QKI: variants seen among roughly 807,000 people sequenced by gnomAD.
QKI encodes the protein KH domain-containing RNA-binding protein QKI.
QKI carries 10 observed loss-of-function variants against 39.0 expected under a neutral mutation model. The observed-to-expected ratio is 0.26, with a 90% confidence interval of 0.16 to 0.43. The LOEUF is 0.43. Among genes scored for constraint, QKI ranks in the 20% least tolerant of loss-of-function variants. QKI has a pLI of 1.00. For synonymous variants in QKI, 204 were observed against 155.4 expected (o/e 1.31, Z -2.33); for missense variants, 218 against 428.0 (o/e 0.51, Z 4.33).
At chr6:163,545,531 G>C (rs73246651) in intron 4 of QKI, among the ~76,000 whole-genome samples, 7,400 of 152,156 alleles carry the variant, frequency 0.049, 619 homozygotes, top group African/African-American at 0.17. Context: ...GGCAGTGACT[G>C]TGGCTTCTTA....
intron 1 of QKI, among the ~76,000 whole-genome samples, chr6:163,417,190 T>G (rs946826681): frequency 2.0e-5 from 3 of 152,088 alleles, no homozygotes; most frequent in African/African-American, 7.2e-5. Context: ...CTTACTGTCT[T>G]CTCCTTGGCA....
intron 2 of QKI, among the ~76,000 whole-genome samples, chr6:163,468,480 G>A (rs1791941516): frequency 6.6e-6 from 1 of 151,982 alleles, no homozygotes; most frequent in Non-Finnish European, 1.5e-5. Context: ...ATTTTAAAAA[G>A]GTTAATGGAA....
chr6:163,540,252 T>C lies in QKI; in HGVS notation c.546+5127T>C, dbSNP rs117232339. On this transcript the variant is annotated intron_variant, in intron 4 of 7. Coordinates refer to ENST00000361752, the MANE Select transcript of QKI (RefSeq NM_006775.3). ...TTGAGGGTCCTAGCAGGGTGGGGAG[T>C]AGGGAGGGGCAGACTTTTTGCTTAA... 8.0e-4 allele frequency among the ~76,000 whole-genome samples: 122 copies of C among 151,646 alleles called. No individual in the cohort carries two copies. The East Asian group carries it at 0.019, about 24-fold the overall frequency.
At chr6:163,479,457 C>T (rs1446452831) in intron 3 of QKI, among the ~76,000 whole-genome samples, 6 of 152,128 alleles carry the variant, frequency 3.9e-5, no homozygotes, top group East Asian at 1.9e-4. Flanking sequence ...CTGCAGCCTC[C>T]GCTTTCTGCA....
chr6:163,452,551 TC>T (rs1014506264), intron 1 of QKI, among the ~76,000 whole-genome samples: 35 of 152,152 alleles, frequency 2.3e-4, no homozygotes, highest in Non-Finnish European at 4.0e-4. Context: ...CCAGCTGTGT[TC>T]CAGGCACTGT....
chr6:163,461,344 A>G (rs1791335190), intron 2 of QKI, among the ~76,000 whole-genome samples: 1 of 152,174 alleles, frequency 6.6e-6, no homozygotes, highest in South Asian at 2.1e-4. Flanking sequence ...CCAACGTTTA[A>G]CATTTCTTTA....
At chr6:163,558,461 G>A (rs1393889571) in intron 4 of QKI, among the ~76,000 whole-genome samples, 3 of 147,996 alleles carry the variant, frequency 2.0e-5, no homozygotes, top group Non-Finnish European at 4.4e-5. Context: ...GTGCAACGGC[G>A]CGATGTCGAC....
At chr6:163,534,239 A>G (rs957930958) in intron 3 of QKI, among the ~76,000 whole-genome samples, 40 of 152,316 alleles carry the variant, frequency 2.6e-4, no homozygotes, top group Middle Eastern at 6.8e-3. Flanking sequence ...GAAATGAAAT[A>G]TAGATATTCT....
intron 2 of QKI, among the ~76,000 whole-genome samples, chr6:163,460,909 G>T (rs192554324): frequency 3.0e-4 from 44 of 145,340 alleles, no homozygotes; most frequent in African/African-American, 1.1e-3. Flanking sequence ...TTAAAATTAC[G>T]ATCTACACAT....
rs527623764 is a variant in QKI at position 163,563,287 on chromosome 6, C to T, written c.635-133C>T. 4.5e-5 allele frequency: 35 copies of T among 785,506 alleles called. No individual in the cohort carries two copies. The South Asian group carries it at 4.8e-4, about 11-fold the overall frequency. 48.7% of individuals were successfully genotyped at this position (785,506 alleles called of 1,614,324 possible). A position where few individuals can be genotyped will look rare whatever the true frequency, so the allele number is the denominator to read the frequency against. ...TGCTTTTGCATTTTTGTGTGATCAGCGCATGTACTAATGATTTCCTTTTAT... is the reference window on the plus strand; with the variant it reads ...TGCTTTTGCATTTTTGTGTGATCAGTGCATGTACTAATGATTTCCTTTTAT... On this transcript the variant is annotated intron_variant, in intron 5 of 7. Transcript: ENST00000361752.
At chr6:163,488,973 CTTT>C (rs767477914) in intron 3 of QKI, among the ~76,000 whole-genome samples, 2 of 122,120 alleles carry the variant, frequency 1.6e-5, no homozygotes, top group Non-Finnish European at 3.4e-5. Flanking sequence ...CCTTCCATTT[CTTT>C]TTTTTTTTTT....
At chr6:163,430,459 A>G (rs1364449277) in intron 1 of QKI, among the ~76,000 whole-genome samples, 1 of 151,362 alleles carries the variant, frequency 6.6e-6, no homozygotes, top group African/African-American at 2.4e-5. Context: ...TTGTTTTCCT[A>G]GTGCATTTGG....
At chr6:163,499,678 T>C (rs1258519693) in intron 3 of QKI, among the ~76,000 whole-genome samples, 1 of 152,158 alleles carries the variant, frequency 6.6e-6, no homozygotes, top group African/African-American at 2.4e-5. Context: ...AAAATCAAGC[T>C]ATCTTTATTC....
chr6:163,479,097 C>G (rs1314236601), intron 3 of QKI, among the ~76,000 whole-genome samples: 1 of 149,190 alleles, frequency 6.7e-6, no homozygotes, highest in African/African-American at 2.5e-5. Context: ...ACCACCCTAG[C>G]CAACATGGTG....
At chr6:163,565,026 G>C in intron 6 of QKI, 1 of 1,171,340 alleles carries the variant, frequency 8.5e-7, no homozygotes, top group Non-Finnish European at 1.1e-6. Context: ...TGTTATCTGT[G>C]TGTGTGCATG....
intron 2 of QKI, among the ~76,000 whole-genome samples, chr6:163,457,190 G>A (rs1412119202): frequency 6.6e-5 from 10 of 152,138 alleles, no homozygotes; most frequent in Non-Finnish European, 1.3e-4. Context: ...CATAGAATAT[G>A]TAAGACCACA....
intron 1 of QKI, among the ~76,000 whole-genome samples, chr6:163,439,357 G>C (rs1232905260): frequency 6.9e-6 from 1 of 144,658 alleles, no homozygotes; most frequent in Non-Finnish European, 1.5e-5. Flanking sequence ...TTTTTTTTCG[G>C]GGGGGTGGGG....
intron 6 of QKI, chr6:163,566,001 C>G: frequency 6.2e-7 from 1 of 1,610,932 alleles, no homozygotes; most frequent in Non-Finnish European, 8.5e-7. Context: ...ACTGAACCCT[C>G]ATCAGATCTG....
At chr6:163,438,666 A>T (rs1006875420) in intron 1 of QKI, among the ~76,000 whole-genome samples, 3 of 152,128 alleles carry the variant, frequency 2.0e-5, no homozygotes, top group African/African-American at 7.2e-5. Flanking sequence ...AAGATAAAAA[A>T]TGGTATACCT....
Sources: gnomAD v4.1 joint callset for allele counts (sites outside exome capture counted in the v4.1 genomes callset) on GRCh38, gnomAD v4.1.1 for gene constraint, MANE v1.5 for transcripts, NCBI Gene and HGNC (gene_info 2026-07-23, HGNC 2026-07-21) for gene names.